JAKMIP3: variants seen among roughly 807,000 people sequenced by gnomAD.
JAKMIP3 encodes the protein janus kinase and microtubule-interacting protein 3.
In JAKMIP3, 58 loss-of-function variants were observed where a neutral mutation model predicts 118.5. The ratio of observed to expected loss-of-function variants is 0.49; its 90% CI spans 0.40 to 0.61. The LOEUF is 0.61. Among genes scored for constraint, JAKMIP3 ranks in the 20% least tolerant of loss-of-function variants. The pLI is 0.00. For missense variants in JAKMIP3, 950 were observed against 1,109.0 expected (o/e 0.86, Z 2.04); for synonymous variants, 486 against 451.2 (o/e 1.08, Z -0.98).
chr10:132,053,784 C>A (rs1332282934), intron 1 of JAKMIP3, among the ~76,000 whole-genome samples: 2 of 151,574 alleles, frequency 1.3e-5, no homozygotes. Context: ...CCTGTAATCC[C>A]AGCACTTTGG....
intron 1 of JAKMIP3, among the ~76,000 whole-genome samples, chr10:132,066,703 G>A (rs2038847102): frequency 6.6e-6 from 1 of 152,176 alleles, no homozygotes; most frequent in South Asian, 2.1e-4. Flanking sequence ...AGGTTTTTGG[G>A]AAACAACAGC....
chr10:132,142,049 G>A lies in JAKMIP3; in HGVS notation c.1602+1G>A, dbSNP rs1218898307. ...GCTGGACGCAGAGCGAGAAGTTAAG[G>A]TCTACGTGACTTCCACCGCGCGTTC... On this transcript the variant is annotated splice_donor_variant, in intron 11 of 23. Coordinates refer to ENST00000684848, the MANE Select transcript of JAKMIP3 (RefSeq NM_001323087.2). LOFTEE classifies it high-confidence loss of function. The A allele has an allele frequency of 6.3e-7, 1 of 1,581,768 alleles. No homozygotes were observed. The highest frequency in any genetic ancestry group is 8.6e-7 in the Non-Finnish European group (1 of 1,168,478).
chr10:132,163,941 T>C (rs1453921255), intron 20 of JAKMIP3, among the ~76,000 whole-genome samples: 1 of 152,158 alleles, frequency 6.6e-6, no homozygotes, highest in Non-Finnish European at 1.5e-5. Context: ...TCTGCTCTAA[T>C]GGGAGGTGAG....
intron 1 of JAKMIP3, among the ~76,000 whole-genome samples, chr10:132,095,302 C>G (rs1305497663): frequency 6.6e-6 from 1 of 152,206 alleles, no homozygotes; most frequent in African/African-American, 2.4e-5. Flanking sequence ...CTCCCTGTGG[C>G]CTTTCCCCAG....
intron 9 of JAKMIP3, among the ~76,000 whole-genome samples, chr10:132,138,638 C>T (rs1255502188): frequency 6.6e-6 from 1 of 152,216 alleles, no homozygotes; most frequent in Non-Finnish European, 1.5e-5. Flanking sequence ...AAACTTGTTT[C>T]TTTCAAATTT....
intron 1 of JAKMIP3, among the ~76,000 whole-genome samples, chr10:132,072,933 A>G (rs1388602557): frequency 6.6e-6 from 1 of 152,056 alleles, no homozygotes; most frequent in Non-Finnish European, 1.5e-5. Flanking sequence ...TATAGTCTCC[A>G]GTATCTGTTC....
chr10:132,052,720 G>A (rs977430879), intron 1 of JAKMIP3, among the ~76,000 whole-genome samples: 17 of 152,112 alleles, frequency 1.1e-4, no homozygotes, highest in African/African-American at 3.9e-4. Context: ...TTATTTCTAA[G>A]AGTGTTCTTT....
rs573704608 is a variant in JAKMIP3, at chr10:132,111,408, G to A, written c.136-5669G>A. Among the ~76,000 whole-genome samples the A allele has an allele frequency of 2.3e-4, 35 of 152,272 alleles. 2 individuals are homozygous for A. In the East Asian group the frequency reaches 6.8e-3, roughly 30 times the overall value. On this transcript the variant is annotated intron_variant, in intron 2 of 23. Coordinates refer to ENST00000684848, the MANE Select transcript of JAKMIP3 (RefSeq NM_001323087.2). ...GGGGGTGGCTCCAGGTGGGGCTAGA[G>A]CCCAGGTAGACATGGGGTGAATGGG...
upstream of JAKMIP3, among the ~76,000 whole-genome samples, chr10:132,061,411 C>T (rs912379569): frequency 6.6e-6 from 1 of 152,240 alleles, no homozygotes; most frequent in Non-Finnish European, 1.5e-5. Context: ...AAATGGAGAA[C>T]TAGCCTACGT....
chr10:132,162,266 G>A (rs949260126), intron 19 of JAKMIP3, among the ~76,000 whole-genome samples: 13 of 152,340 alleles, frequency 8.5e-5, no homozygotes, highest in Admixed American at 8.5e-4. Flanking sequence ...GCTGCCGAAG[G>A]CAGGGAGGCT....
Position 132,137,086 on chromosome 10 carries a change from G to A in JAKMIP3, c.1184G>A (p.Arg395Lys), listed in dbSNP as rs1016069275. The A allele has an allele frequency of 1.2e-6, 2 of 1,613,830 alleles. No individual in the cohort carries two copies. Among genetic ancestry groups the A allele is most frequent in the African/African-American group, 2.7e-5 (2 of 74,920 alleles). Residue 395 changes from arginine to lysine, a missense_variant, in exon 7 of 24, where the codon AGA becomes AAA. Coordinates refer to ENST00000684848, the MANE Select transcript of JAKMIP3 (RefSeq NM_001323087.2). ...LNDLDQSQDE[R>K]EVDFLKLQIV... ...GACCTTGATCAAAGTCAGGATGAGA[G>A]AGAAGTCGATTTCTTGAAGCTTCAG...
At position 132,137,141 on chromosome 10, in the gene JAKMIP3, ACTGT is replaced by A. The variant is rs771430280; in HGVS notation, c.1242_1245del (p.Ser415ArgfsTer9). ...TGGAGCAGCAAAACCTCATAGATGA[ACTGT>A]CTAAGGTACCCGGCGGGCTGTTTGC... On this transcript the variant is annotated frameshift_variant, in exon 7 of 24. Coordinates refer to ENST00000684848, the MANE Select transcript of JAKMIP3 (RefSeq NM_001323087.2). LOFTEE classifies it high-confidence loss of function. The A allele has an allele frequency of 6.2e-7, 1 of 1,613,886 alleles. No homozygotes were observed. Among genetic ancestry groups the A allele is most frequent in the Admixed American group, 1.7e-5 (1 of 60,016 alleles).
At chr10:132,138,380 G>A (rs1377269994) in intron 9 of JAKMIP3, among the ~76,000 whole-genome samples, 2 of 147,262 alleles carry the variant, frequency 1.4e-5, no homozygotes, top group Admixed American at 6.7e-5. Flanking sequence ...GCGCCCGCGT[G>A]TGTGGAGAGT....
chr10:132,168,905 C>T lies in JAKMIP3; in HGVS notation c.*975C>T. On this transcript the variant is annotated 3_prime_UTR_variant, in exon 23 of 24. Coordinates refer to ENST00000684848, the MANE Select transcript of JAKMIP3 (RefSeq NM_001323087.2). Reference sequence around the variant, plus strand: ...CCCCGGCGGGCACCGAAGCCTCACCCCAAGCCTTTGCACACAAGGAGCAGC... The same window carrying T: ...CCCCGGCGGGCACCGAAGCCTCACCTCAAGCCTTTGCACACAAGGAGCAGC... The T allele has an allele frequency of 5.9e-6, 1 of 170,200 alleles. No homozygotes were observed. Among genetic ancestry groups the T allele is most frequent in the Non-Finnish European group, 1.3e-5 (1 of 78,656 alleles). 10.5% of individuals were successfully genotyped at this position (170,200 alleles called of 1,614,324 possible).
At chr10:132,135,854 A>G in intron 5 of JAKMIP3, 76 bp from the exon 6 acceptor site, 1 of 1,472,578 alleles carries the variant, frequency 6.8e-7, no homozygotes, top group South Asian at 1.3e-5. Flanking sequence ...AGCTGTGGTC[A>G]GTCAGCCGAC....
intron 13 of JAKMIP3, 148 bp downstream of exon 13, chr10:132,145,728 G>T (rs913474124): frequency 1.5e-6 from 1 of 682,556 alleles, no homozygotes. Context: ...CCTCCTGCGG[G>T]ACCCCATCAG....
At position 132,097,926 on chromosome 10, in the gene JAKMIP3, T is replaced by TTCCTTCCTTTTCTTTTC. The variant is rs1564892774; in HGVS notation, c.-137-6743_-137-6742insTTCCTTTTCTTTTCTCC. Among the ~76,000 whole-genome samples, 47 of 20,822 alleles carry TTCCTTCCTTTTCTTTTC rather than the reference T, an allele frequency of 2.3e-3. 7 individuals are homozygous for TTCCTTCCTTTTCTTTTC. Among genetic ancestry groups the TTCCTTCCTTTTCTTTTC allele is most frequent in the Non-Finnish European group, 3.8e-3 (33 of 8,710 alleles). 13.7% of individuals were successfully genotyped at this position (20,822 alleles called of 152,430 possible). On this transcript the variant is annotated intron_variant, in intron 1 of 23. Transcript: ENST00000684848. The stretch of plus-strand genomic sequence containing the variant: ...CCTTCCCCTTCCCCTTCCCCTTTCC[T>TTCCTTCCTTTTCTTTTC]TCCCCTTCCCCTTTCCCTTTCCCAT...
In JAKMIP3 at chr10:132,168,176, A is replaced by G; in HGVS notation, c.*246A>G. The G allele has an allele frequency of 7.8e-7, 1 of 1,287,242 alleles. No individual in the cohort carries two copies. Among genetic ancestry groups the G allele is most frequent in the Non-Finnish European group, 1.0e-6 (1 of 987,572 alleles). 79.7% of individuals were successfully genotyped at this position (1,287,242 alleles called of 1,614,324 possible). A position where few individuals can be genotyped will look rare whatever the true frequency, so the allele number is the denominator to read the frequency against. ...CCGACTTCTCGGGGGCTTCTCCGGG[A>G]CGGGCCTGGCCTTGGCTGCTGGACC... On this transcript the variant is annotated 3_prime_UTR_variant, in exon 23 of 24. Transcript: ENST00000684848.
chr10:132,138,006 C>T lies in JAKMIP3; in HGVS notation c.1285-113C>T, dbSNP rs2052205749. 12 of 1,011,204 alleles carry T rather than the reference C, an allele frequency of 1.2e-5. No homozygotes were observed. In the Admixed American group the frequency reaches 2.5e-4, roughly 21 times the overall value. 62.6% of individuals were successfully genotyped at this position (1,011,204 alleles called of 1,614,324 possible). On this transcript the variant is annotated intron_variant, in intron 8 of 23. Transcript: ENST00000684848. ...CGCTGTGGTGTGGGGACAAGCCAGCCCAGACACCGTCTTCCCTGTCATCCA... is the reference window on the plus strand; with the variant it reads ...CGCTGTGGTGTGGGGACAAGCCAGCTCAGACACCGTCTTCCCTGTCATCCA...
Sources: allele counts gnomAD v4.1 joint callset (sites outside exome capture counted in the v4.1 genomes callset), GRCh38; gene constraint gnomAD v4.1.1; transcripts MANE v1.5; gene names NCBI Gene and HGNC (gene_info 2026-07-23, HGNC 2026-07-21).